The following CNTN5 variants were observed in gnomAD, a reference collection of about 807,000 sequenced individuals.
CNTN5 encodes contactin-5.
In CNTN5, 77 loss-of-function variants were observed where a neutral mutation model predicts 129.1. The ratio of observed to expected loss-of-function variants is 0.60; its 90% confidence interval spans 0.50 to 0.72. CNTN5 has a LOEUF of 0.72. Among genes scored for constraint, CNTN5 ranks in the 30% least tolerant of loss-of-function variants. CNTN5 has a pLI of 0.00. For synonymous variants in CNTN5, 509 were observed against 465.6 expected (o/e 1.09, Z -1.20); for missense variants, 1,478 against 1,328.8 (o/e 1.11, Z -1.75).
At chr11:99,353,453 A>G (rs1274093070) in intron 2 of CNTN5, among the ~76,000 whole-genome samples, 1 of 152,092 alleles carries the variant, frequency 6.6e-6, no homozygotes, top group East Asian at 1.9e-4. Flanking sequence ...GGGAATGGTA[A>G]TTTTGTCCTG....
At chr11:100,162,418 ATTATT>A (rs1282347139) in intron 13 of CNTN5, among the ~76,000 whole-genome samples, 1 of 151,934 alleles carries the variant, frequency 6.6e-6, no homozygotes, top group Admixed American at 6.6e-5. Flanking sequence ...ATAACAAATT[ATTATT>A]TTATTATAAA....
chr11:99,073,811 T>C (rs1446856545), intron 1 of CNTN5, among the ~76,000 whole-genome samples: 1 of 152,108 alleles, frequency 6.6e-6, no homozygotes, highest in Non-Finnish European at 1.5e-5. Context: ...GTCTTTGCTA[T>C]TGTAAATAGT....
chr11:99,817,596 G>GTTTGTTTTT (rs1946630635), intron 3 of CNTN5, among the ~76,000 whole-genome samples: 1 of 99,640 alleles, frequency 1.0e-5, no homozygotes, highest in African/African-American at 3.9e-5. Context: ...GTCTGGGATA[G>GTTTGTTTTT]TTTTTTTTTT....
intron 6 of CNTN5, among the ~76,000 whole-genome samples, chr11:99,915,437 A>G (rs1949763360): frequency 6.6e-6 from 1 of 152,170 alleles, no homozygotes; most frequent in Non-Finnish European, 1.5e-5. Context: ...TTCGTTAACT[A>G]ATACTCCCAG....
chr11:99,368,794 T>G (rs1340034977), intron 2 of CNTN5, among the ~76,000 whole-genome samples: 1 of 152,108 alleles, frequency 6.6e-6, no homozygotes, highest in Non-Finnish European at 1.5e-5. Context: ...CCAGACATAA[T>G]TAAACAGGCG....
chr11:100,162,727 T>C (rs537156695), intron 13 of CNTN5, among the ~76,000 whole-genome samples: 3 of 152,026 alleles, frequency 2.0e-5, no homozygotes, highest in South Asian at 4.1e-4. Flanking sequence ...AAACTTGATA[T>C]TTCATCTCTT....
intron 1 of CNTN5, among the ~76,000 whole-genome samples, chr11:99,295,993 G>T (rs553296829): frequency 2.0e-5 from 3 of 151,964 alleles, no homozygotes; most frequent in South Asian, 4.2e-4. Context: ...TAAAGCATAA[G>T]GTTATTCATT....
At chr11:99,210,229 G>A (rs1183294397) in intron 1 of CNTN5, among the ~76,000 whole-genome samples, 1 of 152,108 alleles carries the variant, frequency 6.6e-6, no homozygotes, top group African/African-American at 2.4e-5. Context: ...TTTATAGCAT[G>A]AGAATCCCCA....
intron 3 of CNTN5, among the ~76,000 whole-genome samples, chr11:99,717,646 T>C (rs546074093): frequency 1.1e-4 from 17 of 152,116 alleles, no homozygotes; most frequent in African/African-American, 3.4e-4. Flanking sequence ...TAAATGGAGG[T>C]AAATCAGAGG....
At chr11:99,048,202 C>A (rs1404721754) in intron 1 of CNTN5, among the ~76,000 whole-genome samples, 1 of 151,986 alleles carries the variant, frequency 6.6e-6, no homozygotes, top group Non-Finnish European at 1.5e-5. Context: ...GTGACATCAG[C>A]TTATAGGTAA....
At chr11:99,752,262 A>C (rs1280695250) in intron 3 of CNTN5, among the ~76,000 whole-genome samples, 1 of 152,218 alleles carries the variant, frequency 6.6e-6, no homozygotes, top group Non-Finnish European at 1.5e-5. Context: ...GGAAGAGGCG[A>C]ATTCATTTAA....
chr11:99,523,331 G>A (rs958490412), intron 2 of CNTN5, among the ~76,000 whole-genome samples: 2 of 152,114 alleles, frequency 1.3e-5, no homozygotes, highest in African/African-American at 4.8e-5. Flanking sequence ...GTGGCTGGCT[G>A]GGTGCAGTGG....
At chr11:100,119,834 T>C (rs1242276478) in intron 13 of CNTN5, among the ~76,000 whole-genome samples, 1 of 151,922 alleles carries the variant, frequency 6.6e-6, no homozygotes, top group African/African-American at 2.4e-5. Flanking sequence ...TACCTAAAAA[T>C]TGTCATGAGA....
chr11:99,535,025 T>A (rs1171134988), intron 2 of CNTN5, among the ~76,000 whole-genome samples: 2 of 152,180 alleles, frequency 1.3e-5, no homozygotes, highest in Admixed American at 6.6e-5. Context: ...TGAGTCATAG[T>A]TGGAGGCCAG....
chr11:99,863,654 G>A (rs991373630), intron 6 of CNTN5, among the ~76,000 whole-genome samples: 1 of 152,056 alleles, frequency 6.6e-6, no homozygotes. Context: ...AGAAATTAGG[G>A]ATATTCAAAT....
intron 7 of CNTN5, among the ~76,000 whole-genome samples, chr11:99,956,123 AT>A (rs2136167713): frequency 6.6e-6 from 1 of 152,220 alleles, no homozygotes; most frequent in Non-Finnish European, 1.5e-5. Context: ...AATGCATATT[AT>A]TCATTAAGTT....
At chr11:100,349,903 G>C (rs956061167) in intron 23 of CNTN5, among the ~76,000 whole-genome samples, 1 of 151,706 alleles carries the variant, frequency 6.6e-6, no homozygotes, top group African/African-American at 2.4e-5. Context: ...ACACGGTCTT[G>C]TACAAGTCAC....
chr11:99,658,570 G>A (rs1015291670), intron 3 of CNTN5, among the ~76,000 whole-genome samples: 3 of 151,770 alleles, frequency 2.0e-5, no homozygotes, highest in Non-Finnish European at 4.4e-5. Context: ...TACTGCTTCC[G>A]AAAATAAATG....
chr11:99,137,852 A>T lies in CNTN5; in HGVS notation c.-210+116582A>T, dbSNP rs552259214. On this transcript the variant is annotated intron_variant, in intron 1 of 24. Coordinates refer to ENST00000524871, the MANE Select transcript of CNTN5 (RefSeq NM_014361.4). ...TATGTGAGCAGATTAAAGTAAGGGT[A>T]TTTCTCCCCTGCAAGTTTAACATTA... 1.7e-4 allele frequency among the ~76,000 whole-genome samples: 26 copies of T among 152,100 alleles called. No homozygotes were observed. In the South Asian group the frequency reaches 5.4e-3, roughly 32 times the overall value.
Sources: gnomAD v4.1 joint callset for allele counts (sites outside exome capture counted in the v4.1 genomes callset) on GRCh38, gnomAD v4.1.1 for gene constraint, MANE v1.5 for transcripts, NCBI Gene and HGNC (gene_info 2026-07-23, HGNC 2026-07-21) for gene names.